The following ZFC3H1 variants were observed in gnomAD, a reference collection of about 807,000 sequenced individuals.
The protein encoded by ZFC3H1 is zinc finger C3H1 domain-containing protein.
Under a neutral mutation model 243.7 loss-of-function variants are expected in ZFC3H1, and 71 were observed. The observed-to-expected ratio is 0.29, with a 90% confidence interval of 0.24 to 0.36. The LOEUF (loss-of-function observed/expected upper bound fraction) is 0.36, where lower values mean the gene tolerates loss of function less well. Among genes scored for constraint, ZFC3H1 ranks in the 10% least tolerant of loss-of-function variants. The pLI, the probability that ZFC3H1 is intolerant of heterozygous loss-of-function variation, is 1.00. For synonymous variants in ZFC3H1, 838 were observed against 813.0 expected, an observed-to-expected ratio of 1.03 and a Z score of -0.52; for missense variants, 1,966 against 2,317.1, an observed-to-expected ratio of 0.85 and a Z score of 3.11.
In ZFC3H1 at chr12:71,663,098, C is replaced by T. The variant is rs977811308; in HGVS notation, c.513G>A (p.Gly171=). The stretch of plus-strand genomic sequence containing the variant: ...CTCCTCCTCCCAGAGGAGGTCTGCA[C>T]CCCGGCTTGCCTCCTCGCTCACCCA... The part of the protein sequence containing the change: ...RGVGERGGKP[G]CRPPLGGGAG... Residue 171 remains glycine (G), a synonymous_variant, in exon 1 of 35, where the codon GGG becomes GGA. Transcript: ENST00000378743. The T allele has an allele frequency of 1.2e-6, 2 of 1,613,946 alleles. No individual in the cohort carries two copies. The highest frequency in any genetic ancestry group is 1.7e-6 in the Non-Finnish European group (2 of 1,180,026).
At position 71,647,629 on chromosome 12, in the gene ZFC3H1, T is replaced by C. The variant is rs1323092850; in HGVS notation, c.1080+120A>G. ...TTTAAGGCTTATGTCCAAATGGAGT[T>C]ATAGGAATGATGAAAGAAAATAAGT... On this transcript the variant is annotated intron_variant, in intron 3 of 34. Coordinates refer to ENST00000378743, the MANE Select transcript of ZFC3H1 (RefSeq NM_144982.5). 1.4e-5 allele frequency: 8 copies of C among 588,392 alleles called. No individual in the cohort carries two copies. The East Asian group carries it at 2.7e-4, about 20-fold the overall frequency. 36.4% of individuals were successfully genotyped at this position (588,392 alleles called of 1,614,324 possible). A position where few individuals can be genotyped will look rare whatever the true frequency, so the allele number is the denominator to read the frequency against.
chr12:71,611,495 TAGC>T (rs1879768875), intron 32 of ZFC3H1: 1 of 168,496 alleles, frequency 5.9e-6, no homozygotes, highest in South Asian at 2.0e-4. Context: ...AAAATGTCTG[TAGC>T]AGATTTGTTT....
Position 71,626,409 on chromosome 12 carries a change from G to A in ZFC3H1, c.4168C>T (p.Leu1390=), listed in dbSNP as rs1267788215. Reference sequence around the variant, plus strand: ...TTGTTATTTTCCAATGCTCGCGCCAGAACATTTAAAGCAGAATCCAAGGAT... The same window carrying A: ...TTGTTATTTTCCAATGCTCGCGCCAAAACATTTAAAGCAGAATCCAAGGAT... ...SESLDSALNV[L]ARALENNKDN... The change falls in exon 22 of 35, where the codon CTG becomes TTG. Residue 1390 remains leucine, a synonymous_variant. Transcript: ENST00000378743. 2 of 1,613,864 alleles carry A rather than the reference G, an allele frequency of 1.2e-6. No individual in the cohort carries two copies. The highest frequency in any genetic ancestry group is 1.7e-6 in the Non-Finnish European group (2 of 1,179,936).
chr12:71,619,478 A>G (rs1255154899), intron 26 of ZFC3H1, 69 bp from the exon 27 acceptor site: 23 of 1,451,064 alleles, frequency 1.6e-5, no homozygotes, highest in Non-Finnish European at 2.1e-5. Flanking sequence ...CACGAGGGAG[A>G]AAAAAAGCCT....
In ZFC3H1 at chr12:71,613,371, C is replaced by G; in HGVS notation, c.5591G>C (p.Cys1864Ser). Residue 1864 changes from cysteine to serine, a missense_variant, in exon 31 of 35, where the codon TGT becomes TCT. Cys to Ser is a moderately radical substitution (Grantham distance 112). Coordinates refer to ENST00000378743, the MANE Select transcript of ZFC3H1 (RefSeq NM_144982.5). ...TQHSKTLERF[C>S]SVMPANSGLA... ...TCCAGAATTAGCTGGCATAACTGAA[C>G]AAAACCGTTCCAAGGTTTTGGAATG... 1 of 1,610,346 alleles carries G rather than the reference C, an allele frequency of 6.2e-7. No individual in the cohort carries two copies.
Position 71,654,394 on chromosome 12 carries a change from T to A in ZFC3H1, c.1015+2491A>T, listed in dbSNP as rs149939012. On this transcript the variant is annotated intron_variant, in intron 2 of 34. Transcript: ENST00000378743. ...AGGTCAAGGCTGCACTGAGTCATGA[T>A]CATACTCCTGCACTCTAGCCTGGGC... Among the ~76,000 whole-genome samples the A allele has an allele frequency of 6.8e-3, 1,030 of 152,274 alleles. 38 individuals are homozygous for A. The highest frequency in any genetic ancestry group is 0.046 in the Admixed American group (699 of 15,290).
chr12:71,635,051 A>G (rs1880426299), intron 10 of ZFC3H1, among the ~76,000 whole-genome samples: 2 of 152,196 alleles, frequency 1.3e-5, no homozygotes, highest in Non-Finnish European at 2.9e-5. Flanking sequence ...ATTGAATTAA[A>G]TCACAGCTAA....
chr12:71,652,547 G>A (rs1880915965), intron 2 of ZFC3H1, among the ~76,000 whole-genome samples: 1 of 152,104 alleles, frequency 6.6e-6, no homozygotes, highest in African/African-American at 2.4e-5. Flanking sequence ...GACTTCCCCA[G>A]TGGAAAAGAT....
chr12:71,640,409 T>G (rs1320811081), intron 6 of ZFC3H1, among the ~76,000 whole-genome samples: 2 of 152,254 alleles, frequency 1.3e-5, no homozygotes, highest in Admixed American at 6.5e-5. Context: ...CCAGGTGGAC[T>G]GGCCCCAGCC....
At chr12:71,615,049 G>C in intron 28 of ZFC3H1, 111 bp from the exon 29 acceptor site, 2 of 1,182,732 alleles carry the variant, frequency 1.7e-6, no homozygotes, top group Non-Finnish European at 2.4e-6. Context: ...TCCTTCTTTT[G>C]ACCTTTCTTC....
chr12:71,631,807 A>G lies in ZFC3H1; in HGVS notation c.3441T>C (p.His1147=). The G allele has an allele frequency of 6.2e-7, 1 of 1,613,490 alleles. No individual in the cohort carries two copies. The highest frequency in any genetic ancestry group is 8.5e-7 in the Non-Finnish European group (1 of 1,179,650). ...EVKPCPFRPY[H]SPLLVFKSYR... is the part of the protein sequence containing the mutation. ...AGGACTTAAAAACTAGAAGAGGACT[A>G]TGGTAGGGTCTAAAAGGACATGGCT... The change falls in exon 16 of 35, where the codon CAT becomes CAC. Residue 1147 remains histidine, a synonymous_variant. Transcript: ENST00000378743.
rs750754673 is a variant in ZFC3H1, at chr12:71,662,971, C to A, written c.598+42G>T. ...GACCTAGTAATGACGCTAAAGGGAA[C>A]TTTAGTGACACACCCAGCGCCGACC... On this transcript the variant is annotated intron_variant, in intron 1 of 34. Coordinates refer to ENST00000378743, the MANE Select transcript of ZFC3H1 (RefSeq NM_144982.5). 11 of 1,536,000 alleles carry A rather than the reference C, an allele frequency of 7.2e-6. No homozygotes were observed. In the South Asian group the frequency reaches 9.6e-5, roughly 13 times the overall value.
chr12:71,653,060 C>A (rs765348045), intron 2 of ZFC3H1, among the ~76,000 whole-genome samples: 1 of 151,588 alleles, frequency 6.6e-6, no homozygotes, highest in South Asian at 2.1e-4. Context: ...AGAAATCAAA[C>A]CCCCAAAGAC....
rs1298764537 is a variant in ZFC3H1 at position 71,613,443 on chromosome 12, G to A, written c.5527-8C>T. On this transcript the variant is annotated splice_region_variant and splice_polypyrimidine_tract_variant and intron_variant, in intron 30 of 34. Transcript: ENST00000378743. ...CAAATAAAAGAAAATAACCTGTAAA[G>A]GTTGAGGGGGGCGAAAAATGAATGC... The A allele has an allele frequency of 1.9e-6, 3 of 1,574,462 alleles. No individual in the cohort carries two copies. Among genetic ancestry groups the A allele is most frequent in the South Asian group, 1.2e-5 (1 of 85,388 alleles).
intron 19 of ZFC3H1, 120 bp from the exon 20 acceptor site, chr12:71,629,157 ATTT>A (rs201091738): frequency 2.8e-3 from 1,797 of 639,182 alleles, no homozygotes; most frequent in South Asian, 3.9e-3. Flanking sequence ...AATGATACGT[ATTT>A]TTTTTTTTTT....
intron 2 of ZFC3H1, among the ~76,000 whole-genome samples, chr12:71,648,576 G>A (rs1422384236): frequency 6.6e-6 from 1 of 152,116 alleles, no homozygotes; most frequent in African/African-American, 2.4e-5. Context: ...TAAGTCTGGT[G>A]TTTTTACCAT....
rs1436861088 is a variant in ZFC3H1, at chr12:71,633,135, A to G, written c.2686-118T>C. 6.5e-6 allele frequency: 9 copies of G among 1,389,860 alleles called. No homozygotes were observed. The African/African-American group carries it at 1.2e-4, about 18-fold the overall frequency. The allele number at this position is 1,389,860 out of a possible 1,614,324, so 86.1% of individuals were successfully genotyped here. ...CTGAAAATAAAAATATTCCAATATT[A>G]TTTCTCAACAAGAAACTATAGGTTA... On this transcript the variant is annotated intron_variant, in intron 13 of 34. Coordinates refer to ENST00000378743, the MANE Select transcript of ZFC3H1 (RefSeq NM_144982.5).
chr12:71,632,840 A>C, intron 14 of ZFC3H1, 46 bp downstream of exon 14: 1 of 1,596,328 alleles, frequency 6.3e-7, no homozygotes, highest in Non-Finnish European at 8.5e-7. Flanking sequence ...ACTATCATAA[A>C]AACTTTCTGC....
At chr12:71,651,264 C>T (rs1291504416) in intron 2 of ZFC3H1, among the ~76,000 whole-genome samples, 2 of 152,282 alleles carry the variant, frequency 1.3e-5, no homozygotes, top group Non-Finnish European at 2.9e-5. Context: ...TTGGCTATTC[C>T]TTTACTGTCT....
Sources: gnomAD v4.1 joint callset for allele counts (sites outside exome capture counted in the v4.1 genomes callset) on GRCh38, gnomAD v4.1.1 for gene constraint, MANE v1.5 for transcripts, NCBI Gene and HGNC (gene_info 2026-07-23, HGNC 2026-07-21) for gene names.